The following MPZ variants were observed in gnomAD, a reference collection of about 807,000 sequenced individuals.
The protein encoded by MPZ is myelin protein zero, also known as myelin protein P0.
In MPZ, 13 loss-of-function variants were observed where a neutral mutation model predicts 27.9. That is an observed-to-expected ratio of 0.47 (90% CI 0.30 to 0.74). The LOEUF is 0.74. Among genes scored for constraint, MPZ ranks in the 30% least tolerant of loss-of-function variants. The probability of loss-of-function intolerance (pLI) is 0.06; values close to 1 mark genes in which losing one functional copy is unlikely to be tolerated. For missense variants in MPZ, 256 were observed against 317.5 expected, an observed-to-expected ratio of 0.81 and a Z score of 1.47; for synonymous variants, 118 against 128.9, an observed-to-expected ratio of 0.92 and a Z score of 0.57.
chr1:161,306,129 G>A lies in MPZ; in HGVS notation c.624C>T (p.Asp208=). 1 of 1,614,188 alleles carries A rather than the reference G, an allele frequency of 6.2e-7. No homozygotes were observed. The highest frequency in any genetic ancestry group is 1.1e-5 in the South Asian group (1 of 91,088). ...EKGKLHKPGK[D]ASKRGRQTPV... is the part of the protein sequence containing the mutation. The stretch of plus-strand genomic sequence containing the variant: ...TAACCTGCCGCCCGCGCTTCGACGC[G>A]TCCTTTCCTGGCTTGTGCAATTTCC... Residue 208 remains aspartate (D), a synonymous_variant, in exon 5 of 6, where the codon GAC becomes GAT. Transcript: ENST00000533357.
chr1:161,305,496 A>T lies in MPZ; in HGVS notation c.*380T>A. 4.3e-6 allele frequency: 1 copy of T among 234,754 alleles called. No homozygotes were observed. The highest frequency in any genetic ancestry group is 8.5e-6 in the Non-Finnish European group (1 of 117,392). The allele number at this position is 234,754 out of a possible 1,614,324, so 14.5% of individuals were successfully genotyped here. A position where few individuals can be genotyped will look rare whatever the true frequency, so the allele number is the denominator to read the frequency against. ...GGGTAGGATTAGCTCCTGGGCTCCC[A>T]GAAAGCCAGGGGTGAAGGTGGGGGA... On this transcript the variant is annotated 3_prime_UTR_variant, in exon 6 of 6. Coordinates refer to ENST00000533357, the MANE Select transcript of MPZ (RefSeq NM_000530.8).
chr1:161,309,768 A>G, intron 1 of MPZ, 71 bp downstream of exon 1: 1 of 1,258,144 alleles, frequency 7.9e-7, no homozygotes, highest in Non-Finnish European at 1.1e-6. Context: ...TGGGGAGTGC[A>G]GCAAAGGCTG....
rs1244123991 is a variant in MPZ, at chr1:161,305,276, G to C, written c.*600C>G. 1.3e-5 allele frequency: 2 copies of C among 153,966 alleles called. No homozygotes were observed. The highest frequency in any genetic ancestry group is 2.9e-5 in the Non-Finnish European group (2 of 68,962). The allele number at this position is 153,966 out of a possible 1,614,324, so 9.5% of individuals were successfully genotyped here. On this transcript the variant is annotated 3_prime_UTR_variant, in exon 6 of 6. Transcript: ENST00000533357. Reference sequence around the variant, plus strand: ...GGGTGCTCTGGGTATTAGCTGGGGGGACAGAGTATGGAGCTGGGCCACCTG... The same window carrying C: ...GGGTGCTCTGGGTATTAGCTGGGGGCACAGAGTATGGAGCTGGGCCACCTG...
At position 161,306,135 on chromosome 1, in the gene MPZ, T is replaced by C; in HGVS notation, c.618A>G (p.Gly206=). 1 of 1,614,220 alleles carries C rather than the reference T, an allele frequency of 6.2e-7. No individual in the cohort carries two copies. Among genetic ancestry groups the C allele is most frequent in the Non-Finnish European group, 8.5e-7 (1 of 1,180,038 alleles). Residue 206 remains glycine, a synonymous_variant, in exon 5 of 6, where the codon GGA becomes GGG. Coordinates refer to ENST00000533357, the MANE Select transcript of MPZ (RefSeq NM_000530.8). Reference sequence around the variant, plus strand: ...GCCGCCCGCGCTTCGACGCGTCCTTTCCTGGCTTGTGCAATTTCCCCTTCT... The same window carrying C: ...GCCGCCCGCGCTTCGACGCGTCCTTCCCTGGCTTGTGCAATTTCCCCTTCT... The part of the protein sequence containing the change: ...AMEKGKLHKP[G]KDASKRGRQT...
chr1:161,304,946 C>G lies in MPZ; in HGVS notation c.*930G>C, dbSNP rs1362181196. 1 of 149,048 alleles carries G rather than the reference C, an allele frequency of 6.7e-6. No homozygotes were observed. Among genetic ancestry groups the G allele is most frequent in the Non-Finnish European group, 1.5e-5 (1 of 66,794 alleles). 9.2% of individuals were successfully genotyped at this position (149,048 alleles called of 1,614,324 possible). ...GGCTCATTTGCCCCCTCCCCCACTCCCTGACCTATGAGGATCCATTCTCTC... is the reference window on the plus strand; with the variant it reads ...GGCTCATTTGCCCCCTCCCCCACTCGCTGACCTATGAGGATCCATTCTCTC... On this transcript the variant is annotated 3_prime_UTR_variant, in exon 6 of 6. Coordinates refer to ENST00000533357, the MANE Select transcript of MPZ (RefSeq NM_000530.8).
In MPZ at chr1:161,309,552, A is replaced by ATATATATTTTTT; in HGVS notation, c.67+286_67+287insAAAAAATATATA. 7.9e-4 allele frequency among the ~76,000 whole-genome samples: 64 copies of ATATATATTTTTT among 80,624 alleles called. 1 individual carries two copies. The highest frequency in any genetic ancestry group is 8.1e-3 in the Middle Eastern group (1 of 124). The allele number at this position is 80,624 out of a possible 152,430, so 52.9% of individuals were successfully genotyped here. A position where few individuals can be genotyped will look rare whatever the true frequency, so the allele number is the denominator to read the frequency against. Reference sequence around the variant, plus strand: ...TTTCTTTTCATATATATATATATATATTTTTTTTTTTTTTGAATTTTACAG... The same window carrying ATATATATTTTTT: ...TTTCTTTTCATATATATATATATATATATATATTTTTTTTTTTTTTTTTTTTGAATTTTACAG... On this transcript the variant is annotated intron_variant, in intron 1 of 5. Transcript: ENST00000533357.
At chr1:161,306,193 G>C (rs555436518) in intron 4 of MPZ, 25 bp from the exon 5 acceptor site, 2 of 1,613,934 alleles carry the variant, frequency 1.2e-6, no homozygotes, top group South Asian at 1.1e-5. Flanking sequence ...ACTGCTGTAC[G>C]TTTGGCCTCG....
In MPZ at chr1:161,307,402, G is replaced by T. The variant is rs770546306; in HGVS notation, c.90C>A (p.Ile30=). Residue 30 remains isoleucine (I), a synonymous_variant, in exon 2 of 6, where the codon ATC becomes ATA. Coordinates refer to ENST00000533357, the MANE Select transcript of MPZ (RefSeq NM_000530.8). ...GGACCTCCCTGTCGGTGTAAACCAC[G>T]ATGGCCTGGGCCGGGGACAGCACTG... ...SSLVLSPAQA[I]VVYTDREVHG... 28 of 1,614,114 alleles carry T rather than the reference G, an allele frequency of 1.7e-5. No homozygotes were observed. The highest frequency in any genetic ancestry group is 4.2e-6 in the Non-Finnish European group (5 of 1,180,060).
chr1:161,306,157 T>C lies in MPZ; in HGVS notation c.596A>G (p.Lys199Arg). The stretch of plus-strand genomic sequence containing the variant: ...CTTTCCTGGCTTGTGCAATTTCCCC[T>C]TCTCCATAGCACTGCAAGAAGAGAG... ...ALQRRLSAME[K>R]GKLHKPGKDA... The change falls in exon 5 of 6, where the codon AAG becomes AGG. Residue 199 changes from lysine to arginine, a missense_variant. By Grantham distance (26) the Lys-to-Arg change is conservative. Around this residue, in one of 2 missense-constraint regions of MPZ, gnomAD observed 101 missense variants for 93.6 expected, o/e 1.08. Coordinates refer to ENST00000533357, the MANE Select transcript of MPZ (RefSeq NM_000530.8). 1 of 1,614,238 alleles carries C rather than the reference T, an allele frequency of 6.2e-7. No individual in the cohort carries two copies. The highest frequency in any genetic ancestry group is 8.5e-7 in the Non-Finnish European group (1 of 1,180,044).
chr1:161,303,952 T>G (rs1288318160), downstream of MPZ, among the ~76,000 whole-genome samples: 2 of 152,220 alleles, frequency 1.3e-5, no homozygotes, highest in Non-Finnish European at 2.9e-5. Flanking sequence ...CTTTAGCTTC[T>G]TAACAAGGGG....
At position 161,305,535 on chromosome 1, in the gene MPZ, T is replaced by G. The variant is rs557613782; in HGVS notation, c.*341A>C. ...GAAGGTGGGGGAGAATACAATTGCC[T>G]GGGGAATGAATTCTGGAATGAAACT... On this transcript the variant is annotated 3_prime_UTR_variant, in exon 6 of 6. Coordinates refer to ENST00000533357, the MANE Select transcript of MPZ (RefSeq NM_000530.8). The G allele has an allele frequency of 3.1e-6, 1 of 318,694 alleles. No homozygotes were observed. The highest frequency in any genetic ancestry group is 4.5e-5 in the South Asian group (1 of 22,200). The allele number at this position is 318,694 out of a possible 1,614,324, so 19.7% of individuals were successfully genotyped here. A position where few individuals can be genotyped will look rare whatever the true frequency, so the allele number is the denominator to read the frequency against.
At chr1:161,306,205 C>T in intron 4 of MPZ, 37 bp from the exon 5 acceptor site, 7 of 1,613,350 alleles carry the variant, frequency 4.3e-6, no homozygotes, top group South Asian at 1.1e-5. Flanking sequence ...TTGGCCTCGC[C>T]GGAACCCCTT....
At chr1:161,309,552 A>ATATTTTTTTTTTTT in intron 1 of MPZ, among the ~76,000 whole-genome samples, 2,379 of 79,644 alleles carry the variant, frequency 0.03, 66 homozygotes, top group Middle Eastern at 0.048. Context: ...ATATATATAT[A>ATATTTTTTTTTTTT]TTTTTTTTTT....
At chr1:161,309,348 C>T (rs560800213) in intron 1 of MPZ, among the ~76,000 whole-genome samples, 1 of 152,052 alleles carries the variant, frequency 6.6e-6, no homozygotes, top group South Asian at 2.1e-4. Context: ...GTGTTTGAGC[C>T]TATTTCTTTA....
chr1:161,306,099 C>A lies in MPZ; in HGVS notation c.645+9G>T. On this transcript the variant is annotated intron_variant, in intron 5 of 5. Transcript: ENST00000533357. ...TTCCCATCTTGTCTAGGCCCCAAGT[C>A]CCGCTAACCTGCCGCCCGCGCTTCG... 2 of 1,614,206 alleles carry A rather than the reference C, an allele frequency of 1.2e-6. No individual in the cohort carries two copies. Among genetic ancestry groups the A allele is most frequent in the South Asian group, 1.1e-5 (1 of 91,082 alleles).
chr1:161,308,535 T>TG (rs765610551), intron 1 of MPZ, among the ~76,000 whole-genome samples: 1 of 152,134 alleles, frequency 6.6e-6, no homozygotes, highest in African/African-American at 2.4e-5. Context: ...TGACCAACGC[T>TG]GGGGGGCTCA....
intron 1 of MPZ, 121 bp downstream of exon 1, chr1:161,309,718 G>C: frequency 1.2e-6 from 1 of 851,202 alleles, no homozygotes; most frequent in Non-Finnish European, 2.0e-6. Flanking sequence ...TGAATATAAT[G>C]TCACCTTCCT....
Position 161,306,707 on chromosome 1 carries a change from C to T in MPZ, c.448+1G>A. 1 of 1,613,976 alleles carries T rather than the reference C, an allele frequency of 6.2e-7. No homozygotes were observed. Among genetic ancestry groups the T allele is most frequent in the Non-Finnish European group, 8.5e-7 (1 of 1,179,898 alleles). On this transcript the variant is annotated splice_donor_variant, in intron 3 of 5. Transcript: ENST00000533357. LOFTEE classifies it high-confidence loss of function. ...ACCCTTGTCCCCATCCCTTCTCACA[C>T]CTTTTTCAAAGACATACAGCGTGAC...
intron 2 of MPZ, 96 bp from the exon 3 acceptor site, chr1:161,307,017 A>AAAAAAAAAC: frequency 1.9e-6 from 1 of 521,496 alleles, no homozygotes. Context: ...AAAAAAGCAA[A>AAAAAAAAAC]AAAAAAAAAA....
Sources: gnomAD v4.1 joint callset for allele counts (sites outside exome capture counted in the v4.1 genomes callset) on GRCh38, gnomAD v4.1.1 for gene constraint, gnomAD v4.1.1 regional missense constraint, MANE v1.5 for transcripts, NCBI Gene and HGNC (gene_info 2026-07-23, HGNC 2026-07-21) for gene names.